NBN: variants seen among roughly 807,000 people sequenced by gnomAD.
The protein encoded by NBN is nibrin.
A neutral mutation model predicts 90.8 loss-of-function variants in NBN; 88 were observed. The ratio of observed to expected loss-of-function variants is 0.97; its 90% CI spans 0.82 to 1.16. NBN has a LOEUF of 1.16. NBN is among the 50% of genes most tolerant of loss of function. The probability of loss-of-function intolerance (pLI) is 0.00; values close to 1 mark genes in which losing one functional copy is unlikely to be tolerated. For synonymous variants in NBN, 328 were observed against 295.1 expected (o/e 1.11, Z -1.14); for missense variants, 894 against 869.6 (o/e 1.03, Z -0.35).
intron 13 of NBN, among the ~76,000 whole-genome samples, chr8:89,944,760 T>C (rs1229019290): frequency 6.6e-6 from 1 of 152,124 alleles, no homozygotes; most frequent in African/African-American, 2.4e-5. Flanking sequence ...ATATATTTTT[T>C]TGTAGAGTTA....
rs7013194 is a variant in NBN at position 89,938,458 on chromosome 8, C to A, written c.2185-1383G>T. ...AGATACTATCTTAAACTCTCTCTCT[C>A]TCTCTATATGTGTGTGTGTGTATAT... On this transcript the variant is annotated intron_variant, in intron 14 of 15. Coordinates refer to ENST00000265433, the MANE Select transcript of NBN (RefSeq NM_002485.5). Among the ~76,000 whole-genome samples the A allele has an allele frequency of 4.2e-3, 635 of 152,142 alleles. 5 individuals carry two copies. Among genetic ancestry groups the A allele is most frequent in the African/African-American group, 0.013 (552 of 41,488 alleles).
intron 8 of NBN, among the ~76,000 whole-genome samples, chr8:89,961,074 G>A (rs879261527): frequency 1.3e-5 from 2 of 152,218 alleles, no homozygotes; most frequent in Non-Finnish European, 2.9e-5. Flanking sequence ...AAAAGCACCA[G>A]TCTGGTAGTC....
intron 13 of NBN, 97 bp downstream of exon 13, chr8:89,946,043 T>G: frequency 1.0e-6 from 1 of 956,758 alleles, no homozygotes. Context: ...GAAGTATCAG[T>G]TTTCAACATA....
At chr8:89,982,372 A>G (rs78478519) in intron 2 of NBN, 1 of 339,932 alleles carries the variant, frequency 2.9e-6, no homozygotes, top group Non-Finnish European at 5.6e-6. Context: ...ACTGACACAT[A>G]AAAACACATT....
chr8:89,945,415 A>T (rs1022689660), intron 13 of NBN, among the ~76,000 whole-genome samples: 7 of 152,214 alleles, frequency 4.6e-5, no homozygotes, highest in African/African-American at 7.2e-5. Context: ...GTGAAATGTT[A>T]ATAGTAAATG....
chr8:89,964,031 C>T (rs577681963), intron 8 of NBN, among the ~76,000 whole-genome samples: 5 of 152,276 alleles, frequency 3.3e-5, no homozygotes, highest in African/African-American at 9.6e-5. Context: ...CAAATGTCAC[C>T]TCCTGAGACT....
In NBN at chr8:89,981,801, T is replaced by C. The variant is rs146464717; in HGVS notation, c.172-278A>G. ...ATTCTCCTGACCCCTCACACACATT[T>C]GAGAATTTTTTGCTTTGGTGCAGTC... On this transcript the variant is annotated intron_variant, in intron 2 of 15. Coordinates refer to ENST00000265433, the MANE Select transcript of NBN (RefSeq NM_002485.5). 515 of 501,318 alleles carry C rather than the reference T, an allele frequency of 1.0e-3. 10 individuals are homozygous for C. The East Asian group carries it at 0.021, about 20-fold the overall frequency. The allele number at this position is 501,318 out of a possible 1,614,324, so 31.1% of individuals were successfully genotyped here. A position where few individuals can be genotyped will look rare whatever the true frequency, so the allele number is the denominator to read the frequency against.
chr8:89,948,863 T>C (rs1350231448), intron 11 of NBN, among the ~76,000 whole-genome samples: 1 of 152,200 alleles, frequency 6.6e-6, no homozygotes, highest in East Asian at 1.9e-4. Context: ...ACTCCTTTTA[T>C]GTACCTTCTC....
intron 11 of NBN, among the ~76,000 whole-genome samples, chr8:89,951,457 C>G (rs1020662898): frequency 6.6e-6 from 1 of 152,020 alleles, no homozygotes; most frequent in African/African-American, 2.4e-5. Context: ...TAAAAAGTGC[C>G]TAACTTTCTA....
rs114729652 is a variant in NBN at position 89,950,631 on chromosome 8, C to G, written c.1845+2613G>C. Among the ~76,000 whole-genome samples, 1,418 of 152,180 alleles carry G rather than the reference C, an allele frequency of 9.3e-3. 22 individuals are homozygous for G. The highest frequency in any genetic ancestry group is 0.033 in the African/African-American group (1,370 of 41,516). ...ATTTTCATTTAGAATGTCATGAATT[C>G]TCAAACAGTAAAATAAAGGAAAAAT... is the stretch of plus-strand genomic sequence containing the variant. On this transcript the variant is annotated intron_variant, in intron 11 of 15. Transcript: ENST00000265433.
chr8:89,964,413 T>C lies in NBN; in HGVS notation c.991A>G (p.Thr331Ala). ...NYCDPQGHPS[T>A]GLKTTTPGPS... ...AATAAAATAATGCTTCAATTACCTGTACTGGGATGGCCCTGAGGATCACAG... is the reference window on the plus strand; with the variant it reads ...AATAAAATAATGCTTCAATTACCTGCACTGGGATGGCCCTGAGGATCACAG... Residue 331 changes from threonine (T) to alanine (A), a missense_variant, in exon 8 of 16, where the codon ACA (threonine) becomes GCA (alanine). Coordinates refer to ENST00000265433, the MANE Select transcript of NBN (RefSeq NM_002485.5). 1 of 1,613,822 alleles carries C rather than the reference T, an allele frequency of 6.2e-7. No homozygotes were observed. Among genetic ancestry groups the C allele is most frequent in the Non-Finnish European group, 8.5e-7 (1 of 1,179,812 alleles).
intron 14 of NBN, among the ~76,000 whole-genome samples, chr8:89,938,475 T>C (rs1809790599): frequency 6.6e-6 from 1 of 151,956 alleles, no homozygotes; most frequent in African/African-American, 2.4e-5. Context: ...TATGTGTGTG[T>C]GTGTATATAT....
chr8:89,949,249 C>A (rs1810334577), intron 11 of NBN, among the ~76,000 whole-genome samples: 1 of 152,216 alleles, frequency 6.6e-6, no homozygotes, highest in South Asian at 2.1e-4. Context: ...AAAACTCCCA[C>A]TATCAGTTTC....
intron 2 of NBN, 157 bp from the exon 3 acceptor site, chr8:89,981,680 C>T (rs1031877417): frequency 2.7e-6 from 2 of 733,642 alleles, no homozygotes; most frequent in Non-Finnish European, 4.4e-6. Flanking sequence ...GAAGATCACT[C>T]AACTAACAAT....
chr8:89,952,961 C>G (rs781356627), intron 11 of NBN, among the ~76,000 whole-genome samples: 13 of 152,160 alleles, frequency 8.5e-5, no homozygotes, highest in Non-Finnish European at 1.6e-4. Context: ...GCATCTCCTA[C>G]ACTTATCATC....
chr8:89,982,731 T>C lies in NBN; in HGVS notation c.162A>G (p.Val54=), dbSNP rs1285301188. ...NHAVLTANFS[V]TNLSQTDEIP... ...AAAATTAGTAACATACCAGGTTGGT[T>C]ACAGAAAAGTTAGCAGTTAACACAG... The change falls in exon 2 of 16, where the codon GTA becomes GTG. Residue 54 remains valine, a synonymous_variant. Coordinates refer to ENST00000265433, the MANE Select transcript of NBN (RefSeq NM_002485.5). 1 of 1,613,684 alleles carries C rather than the reference T, an allele frequency of 6.2e-7. No individual in the cohort carries two copies. Among genetic ancestry groups the C allele is most frequent in the Non-Finnish European group, 8.5e-7 (1 of 1,179,730 alleles).
intron 2 of NBN, 81 bp from the exon 3 acceptor site, chr8:89,981,604 A>G (rs1234294817): frequency 1.3e-6 from 2 of 1,503,966 alleles, no homozygotes; most frequent in South Asian, 1.2e-5. Context: ...AAAAGAAAAG[A>G]CAATAGGCAG....
At chr8:89,976,867 CA>C (rs953578491) in intron 5 of NBN, among the ~76,000 whole-genome samples, 37 of 152,058 alleles carry the variant, frequency 2.4e-4, no homozygotes, top group African/African-American at 8.2e-4. Context: ...AGTATAAATA[CA>C]AAAAAACTTC....
At chr8:89,979,971 C>T (rs1811979505) in intron 4 of NBN, among the ~76,000 whole-genome samples, 1 of 152,148 alleles carries the variant, frequency 6.6e-6, no homozygotes, top group Non-Finnish European at 1.5e-5. Context: ...AGGTGCATCC[C>T]TACTGAAAAC....
Sources: allele counts gnomAD v4.1 joint callset (sites outside exome capture counted in the v4.1 genomes callset), GRCh38; gene constraint gnomAD v4.1.1; transcripts MANE v1.5; gene names NCBI Gene and HGNC (gene_info 2026-07-23, HGNC 2026-07-21).